Variants in PTPRD observed in about 807,000 individuals in gnomAD.
The protein encoded by PTPRD is receptor-type tyrosine-protein phosphatase delta.
PTPRD carries 34 observed loss-of-function variants against 214.5 expected under a neutral mutation model. That is an observed-to-expected ratio of 0.16 (90% CI 0.12 to 0.21). The LOEUF (loss-of-function observed/expected upper bound fraction) is 0.21. PTPRD is among the 10% of genes least tolerant of loss of function. The pLI, the probability that PTPRD is intolerant of heterozygous loss-of-function variation, is 1.00. For missense variants in PTPRD, 2,545 were observed against 2,398.7 expected (o/e 1.06, Z -1.27); for synonymous variants, 1,128 against 845.7 (o/e 1.33, Z -5.79).
intron 9 of PTPRD, among the ~76,000 whole-genome samples, chr9:9,294,438 A>G (rs1952296075): frequency 6.6e-6 from 1 of 151,712 alleles, no homozygotes; most frequent in Non-Finnish European, 1.5e-5. Flanking sequence ...TAAATTCCCT[A>G]AAAATTCACA....
chr9:8,837,290 C>G (rs1429911146), intron 11 of PTPRD, among the ~76,000 whole-genome samples: 1 of 152,038 alleles, frequency 6.6e-6, no homozygotes, highest in Admixed American at 6.5e-5. Flanking sequence ...GCTGGGATTA[C>G]AGGCGTGAGC....
chr9:9,957,407 A>C (rs1566718309), intron 4 of PTPRD, among the ~76,000 whole-genome samples: 1 of 152,302 alleles, frequency 6.6e-6, no homozygotes, highest in East Asian at 1.9e-4. Context: ...AAAATTATTA[A>C]TGTTTCAAAG....
At chr9:10,035,748 T>C (rs576223284) in intron 3 of PTPRD, among the ~76,000 whole-genome samples, 12 of 151,984 alleles carry the variant, frequency 7.9e-5, no homozygotes, top group Admixed American at 7.2e-4. Flanking sequence ...GGTGCCCAAA[T>C]ATGATAGCTT....
chr9:9,987,930 G>C (rs1566943968), intron 4 of PTPRD, among the ~76,000 whole-genome samples: 1 of 152,028 alleles, frequency 6.6e-6, no homozygotes, highest in Non-Finnish European at 1.5e-5. Context: ...ATACTATCAG[G>C]CAGGTTTAGG....
At chr9:9,103,624 A>C (rs1027175738) in intron 10 of PTPRD, among the ~76,000 whole-genome samples, 6 of 152,102 alleles carry the variant, frequency 3.9e-5, no homozygotes, top group African/African-American at 1.4e-4. Context: ...AGAAAAAAAA[A>C]AATCAAAGAG....
At chr9:9,387,033 T>C (rs1486596803) in intron 9 of PTPRD, among the ~76,000 whole-genome samples, 2 of 152,202 alleles carry the variant, frequency 1.3e-5, no homozygotes, top group African/African-American at 4.8e-5. Flanking sequence ...GGGACTTTGA[T>C]GTGAGTGCAG....
intron 8 of PTPRD, among the ~76,000 whole-genome samples, chr9:9,512,133 G>C (rs569506417): frequency 6.6e-6 from 1 of 151,784 alleles, no homozygotes; most frequent in African/African-American, 2.4e-5. Flanking sequence ...AAACAGCTAA[G>C]GACTTGTTGA....
intron 10 of PTPRD, among the ~76,000 whole-genome samples, chr9:9,055,142 T>C (rs896988556): frequency 4.6e-5 from 7 of 152,152 alleles, no homozygotes; most frequent in African/African-American, 1.7e-4. Flanking sequence ...ATTTTCTAGA[T>C]GTAAACCTAG....
intron 14 of PTPRD, among the ~76,000 whole-genome samples, chr9:8,593,506 T>C (rs955146543): frequency 1.3e-5 from 2 of 152,228 alleles, no homozygotes; most frequent in Admixed American, 1.3e-4. Flanking sequence ...ATATAACTAG[T>C]AGATCTTCTC....
intron 5 of PTPRD, among the ~76,000 whole-genome samples, chr9:9,923,825 T>C (rs2083362445): frequency 6.6e-6 from 1 of 151,762 alleles, no homozygotes; most frequent in African/African-American, 2.4e-5. Context: ...TCTGCAAATA[T>C]GAGGTATTGA....
At chr9:8,481,151 A>AT (rs1178961708) in intron 30 of PTPRD, among the ~76,000 whole-genome samples, 1 of 151,076 alleles carries the variant, frequency 6.6e-6, no homozygotes, top group African/African-American at 2.4e-5. Flanking sequence ...AAAAAAAAAA[A>AT]AAAAAAAAAA....
At chr9:10,516,383 C>G (rs2757861) in intron 2 of PTPRD, among the ~76,000 whole-genome samples, 113,229 of 151,762 alleles carry the variant, frequency 0.75, 42,390 homozygotes, top group East Asian at 0.86. Context: ...TTGGAGAAAT[C>G]TCTACTTAAG....
intron 11 of PTPRD, among the ~76,000 whole-genome samples, chr9:8,994,668 GTGT>G (rs1248407845): frequency 6.6e-6 from 1 of 151,938 alleles, no homozygotes; most frequent in Non-Finnish European, 1.5e-5. Context: ...TGGAGGGGGG[GTGT>G]TGTTTGTTTT....
intron 9 of PTPRD, among the ~76,000 whole-genome samples, chr9:9,327,375 A>G (rs2040390339): frequency 6.6e-6 from 1 of 152,192 alleles, no homozygotes; most frequent in African/African-American, 2.4e-5. Context: ...ACCGAAATGG[A>G]AACAGTTATT....
chr9:9,742,566 C>G (rs1386967831), intron 6 of PTPRD, among the ~76,000 whole-genome samples: 1 of 151,894 alleles, frequency 6.6e-6, no homozygotes, highest in Non-Finnish European at 1.5e-5. Flanking sequence ...GGAAAGGTAG[C>G]TCTTGTTTAG....
Position 8,633,388 on chromosome 9 carries a change from G to T in PTPRD, c.281C>A (p.Ala94Asp), listed in dbSNP as rs2154320554. The T allele has an allele frequency of 6.2e-7, 1 of 1,612,742 alleles. No homozygotes were observed. The stretch of plus-strand genomic sequence containing the variant: ...ATTTGAGGCCACACATTCATAAATG[G>T]CCTCATCCCTCGGAGTCCGTAAGGG... ...IQPLRTPRDE[A>D]IYECVASNNV... Residue 94 changes from alanine (A) to aspartate (D), a missense_variant, in exon 14 of 46, where the codon GCC (alanine) becomes GAC (aspartate). Ala to Asp is a moderately radical substitution (Grantham distance 126). Transcript: ENST00000381196.
chr9:9,464,345 G>T (rs2093945786), intron 8 of PTPRD, among the ~76,000 whole-genome samples: 1 of 152,038 alleles, frequency 6.6e-6, no homozygotes, highest in African/African-American at 2.4e-5. Context: ...TGTAGTAAAA[G>T]TATAAATAGT....
At chr9:10,005,117 A>G (rs980781979) in intron 4 of PTPRD, among the ~76,000 whole-genome samples, 25 of 151,700 alleles carry the variant, frequency 1.6e-4, no homozygotes, top group Middle Eastern at 3.2e-3. Flanking sequence ...TTTGTCTTTT[A>G]TTTTTCAGCC....
chr9:8,930,968 A>C (rs1408793896), intron 11 of PTPRD, among the ~76,000 whole-genome samples: 17 of 152,206 alleles, frequency 1.1e-4, no homozygotes, highest in Non-Finnish European at 1.5e-5. Context: ...TAGTTTAATG[A>C]GATCCCATTT....
Sources: allele counts gnomAD v4.1 joint callset (sites outside exome capture counted in the v4.1 genomes callset), GRCh38; gene constraint gnomAD v4.1.1; transcripts MANE v1.5; gene names NCBI Gene and HGNC (gene_info 2026-07-23, HGNC 2026-07-21).